Variants in TRPM1 observed in about 807,000 individuals in gnomAD.
TRPM1 encodes the protein TRPM1-203 APA Isoform, Intron 10.
TRPM1 carries 113 observed loss-of-function variants against 149.4 expected under a neutral mutation model. The ratio of observed to expected loss-of-function variants is 0.76; its 90% CI spans 0.65 to 0.88. TRPM1 has a LOEUF of 0.88. TRPM1 is among the 40% of genes least tolerant of loss of function. TRPM1 has a pLI of 0.00. For missense variants in TRPM1, 1,976 were observed against 2,038.7 expected (o/e 0.97, Z 0.59); for synonymous variants, 741 against 759.5 (o/e 0.98, Z 0.40).
chr15:31,156,707 ACCCAGTG>A (rs1243150115), intron 1 of TRPM1, among the ~76,000 whole-genome samples: 1 of 151,964 alleles, frequency 6.6e-6, no homozygotes, highest in Non-Finnish European at 1.5e-5. Flanking sequence ...CCAAGCTCTA[ACCCAGTG>A]CCTGGGCGCA....
intron 6 of TRPM1, 88 bp from the exon 7 acceptor site, chr15:31,066,335 T>G (rs1303349216): frequency 7.0e-7 from 1 of 1,434,296 alleles, no homozygotes; most frequent in African/African-American, 1.4e-5. Context: ...ATGTGTGGAG[T>G]GACTGCACTA....
At chr15:31,128,832 C>CA (rs1363182627) in intron 1 of TRPM1, among the ~76,000 whole-genome samples, 1 of 152,242 alleles carries the variant, frequency 6.6e-6, no homozygotes, top group African/African-American at 2.4e-5. Flanking sequence ...AAATTCTTTA[C>CA]AATTTTTGAA....
At chr15:31,017,534 GAT>G (rs2032409514) in intron 27 of TRPM1, among the ~76,000 whole-genome samples, 1 of 152,116 alleles carries the variant, frequency 6.6e-6, no homozygotes, top group South Asian at 2.1e-4. Context: ...CCTGGGGAGT[GAT>G]TTATCAAACA....
chr15:31,024,600 C>T (rs2032658378), intron 27 of TRPM1, among the ~76,000 whole-genome samples: 1 of 152,114 alleles, frequency 6.6e-6, no homozygotes, highest in Admixed American at 6.6e-5. Context: ...TTGGTAGTGA[C>T]CTGATAACCA....
chr15:31,074,514 A>G (rs1032972807), intron 3 of TRPM1, among the ~76,000 whole-genome samples: 2 of 152,064 alleles, frequency 1.3e-5, no homozygotes, highest in Admixed American at 6.5e-5. Flanking sequence ...ACTCATTTCT[A>G]TAAGGTTGGT....
At chr15:31,132,518 A>G (rs923563687) in intron 1 of TRPM1, among the ~76,000 whole-genome samples, 7 of 152,226 alleles carry the variant, frequency 4.6e-5, no homozygotes, top group African/African-American at 1.7e-4. Flanking sequence ...GTGATAACGC[A>G]TATGAAAAAG....
chr15:31,131,549 G>A lies in TRPM1; in HGVS notation c.54+29357C>T, dbSNP rs73377608. Among the ~76,000 whole-genome samples, 577 of 152,346 alleles carry A rather than the reference G, an allele frequency of 3.8e-3. 3 individuals carry two copies. Among genetic ancestry groups the A allele is most frequent in the African/African-American group, 0.013 (547 of 41,570 alleles). On this transcript the variant is annotated intron_variant, in intron 1 of 26. Coordinates refer to the TRPM1 transcript ENST00000542188. ...GATGGAAAAGGCATTACATTTGTGG[G>A]TGGAAGACATGGACAGCGATGTGTT...
At chr15:31,038,968 C>T (rs1448092085) in intron 18 of TRPM1, among the ~76,000 whole-genome samples, 1 of 148,420 alleles carries the variant, frequency 6.7e-6, no homozygotes, top group Admixed American at 6.7e-5. Flanking sequence ...TGCCCAGGCT[C>T]ATAGATAGAA....
chr15:31,155,816 A>G (rs950167568), intron 1 of TRPM1, among the ~76,000 whole-genome samples: 2 of 152,300 alleles, frequency 1.3e-5, no homozygotes, highest in East Asian at 3.9e-4. Flanking sequence ...TACAGACCAT[A>G]AAATCTCATC....
chr15:31,067,082 TC>T lies in TRPM1; in HGVS notation c.598del (p.Glu200LysfsTer8). ...ACTTACATCCTTTCCAACCAGGTCTTCCTTATTCTCCACGATGCCCCATGGA... is the reference window on the plus strand; with the variant it reads ...ACTTACATCCTTTCCAACCAGGTCTTCTTATTCTCCACGATGCCCCATGGA... ...IAPWGIVENK[E>X]DLVGKDVTRV... On this transcript the variant is annotated frameshift_variant, in exon 6 of 28. Transcript: ENST00000256552. LOFTEE classifies it high-confidence loss of function. 1 of 1,614,176 alleles carries T rather than the reference TC, an allele frequency of 6.2e-7. No individual in the cohort carries two copies. The highest frequency in any genetic ancestry group is 8.5e-7 in the Non-Finnish European group (1 of 1,180,016).
At chr15:31,160,133 C>T (rs2036426636) in intron 1 of TRPM1, among the ~76,000 whole-genome samples, 3 of 152,164 alleles carry the variant, frequency 2.0e-5, no homozygotes. Flanking sequence ...GGCTTGCCTC[C>T]CACTGCATGC....
At chr15:31,088,654 T>G (rs55856563) in intron 1 of TRPM1, among the ~76,000 whole-genome samples, 13,437 of 152,260 alleles carry the variant, frequency 0.088, 695 homozygotes, top group South Asian at 0.12. Flanking sequence ...CATGCCACAC[T>G]CACGGACTAG....
At chr15:31,085,420 G>C (rs575344875) in intron 1 of TRPM1, among the ~76,000 whole-genome samples, 10 of 152,328 alleles carry the variant, frequency 6.6e-5, no homozygotes, top group Non-Finnish European at 1.3e-4. Flanking sequence ...TTGTAATTAA[G>C]AGCAATAAAA....
chr15:31,104,874 G>A (rs981854012), upstream of TRPM1, among the ~76,000 whole-genome samples: 3 of 152,056 alleles, frequency 2.0e-5, no homozygotes, highest in Non-Finnish European at 4.4e-5. Flanking sequence ...GATTACAGGT[G>A]TGAGCCACCA....
intron 1 of TRPM1, among the ~76,000 whole-genome samples, chr15:31,135,031 C>A (rs1446429177): frequency 6.6e-6 from 1 of 152,122 alleles, no homozygotes; most frequent in African/African-American, 2.4e-5. Flanking sequence ...GGCTCAACTC[C>A]CTGGTTATCC....
intron 1 of TRPM1, among the ~76,000 whole-genome samples, chr15:31,140,094 C>T (rs1342830930): frequency 6.6e-6 from 1 of 151,450 alleles, no homozygotes; most frequent in Non-Finnish European, 1.5e-5. Flanking sequence ...TGGCTGGGCA[C>T]GGTGGCTCAT....
intron 1 of TRPM1, among the ~76,000 whole-genome samples, chr15:31,108,150 G>C (rs1186258577): frequency 9.4e-6 from 1 of 106,468 alleles, no homozygotes; most frequent in Non-Finnish European, 2.0e-5. Flanking sequence ...GAGCCACCAC[G>C]CCTGTCCAAT....
chr15:31,015,813 T>C (rs756354720), intron 27 of TRPM1, among the ~76,000 whole-genome samples: 2 of 152,208 alleles, frequency 1.3e-5, no homozygotes, highest in Non-Finnish European at 2.9e-5. Flanking sequence ...TAACACCCTA[T>C]AGAGATTTCT....
chr15:31,141,958 C>T (rs28380311), intron 1 of TRPM1, among the ~76,000 whole-genome samples: 4,188 of 152,232 alleles, frequency 0.028, 86 homozygotes, highest in Non-Finnish European at 0.042. Context: ...GAGTGGCTCA[C>T]ACTTGTAATC....
Sources: gnomAD v4.1 joint callset for allele counts (sites outside exome capture counted in the v4.1 genomes callset) on GRCh38, gnomAD v4.1.1 for gene constraint, MANE v1.5 for transcripts, NCBI Gene and HGNC (gene_info 2026-07-23, HGNC 2026-07-21) for gene names.